Variants in INPP4B observed in about 807,000 individuals in gnomAD.
INPP4B encodes inositol polyphosphate 4-phosphatase type II.
Under a neutral mutation model 122.5 loss-of-function variants are expected in INPP4B, and 55 were observed. The ratio of observed to expected loss-of-function variants is 0.45; its 90% confidence interval spans 0.36 to 0.56. INPP4B has a LOEUF of 0.56. INPP4B is among the 20% of genes least tolerant of loss of function. The pLI is 0.00. For synonymous variants in INPP4B, 403 were observed against 388.7 expected, an observed-to-expected ratio of 1.04 and a Z score of -0.43; for missense variants, 1,000 against 1,097.7, an observed-to-expected ratio of 0.91 and a Z score of 1.26.
At chr4:142,191,152 G>T (rs1459745704) in intron 15 of INPP4B, among the ~76,000 whole-genome samples, 1 of 152,106 alleles carries the variant, frequency 6.6e-6, no homozygotes, top group African/African-American at 2.4e-5. Flanking sequence ...CCTATCAAAA[G>T]ACTCTAAAAG....
chr4:142,178,647 A>G (rs984654274), intron 15 of INPP4B, among the ~76,000 whole-genome samples: 1 of 152,054 alleles, frequency 6.6e-6, no homozygotes, highest in Non-Finnish European at 1.5e-5. Context: ...TTAACAGGCA[A>G]GGAGAAAAAC....
intron 2 of INPP4B, among the ~76,000 whole-genome samples, chr4:142,531,458 A>T (rs180993671): frequency 2.9e-4 from 44 of 152,288 alleles, no homozygotes; most frequent in Non-Finnish European, 3.1e-4. Flanking sequence ...TAATCAAAAC[A>T]TGCTTATCTA....
intron 18 of INPP4B, among the ~76,000 whole-genome samples, chr4:142,128,827 T>C (rs3775652): frequency 0.14 from 21,450 of 152,116 alleles, 1,704 homozygotes; most frequent in East Asian, 0.24. Flanking sequence ...AGGATGTTCA[T>C]GTCCTCTGAG....
At chr4:142,629,161 A>G (rs1223475087) in intron 2 of INPP4B, among the ~76,000 whole-genome samples, 3 of 152,046 alleles carry the variant, frequency 2.0e-5, no homozygotes, top group Non-Finnish European at 4.4e-5. Flanking sequence ...TCTGCTGGAA[A>G]AGTGAGGAGA....
In INPP4B at chr4:142,246,340, AT is replaced by A. The variant is rs748289950; in HGVS notation, c.689-8330del. On this transcript the variant is annotated intron_variant, in intron 11 of 25. Transcript: ENST00000262992. The stretch of plus-strand genomic sequence containing the variant: ...TTTTCTATTTCTGTGAAGAAAGTCA[AT>A]GGTAACTTGATGGGGATAGCATTGA... Among the ~76,000 whole-genome samples the A allele has an allele frequency of 2.0e-5, 3 of 152,122 alleles. No homozygotes were observed. In the East Asian group the frequency reaches 5.8e-4, roughly 30 times the overall value.
intron 23 of INPP4B, among the ~76,000 whole-genome samples, chr4:142,093,238 G>A (rs528145924): frequency 2.6e-5 from 4 of 152,252 alleles, no homozygotes; most frequent in African/African-American, 7.2e-5. Context: ...CAGAATGTGA[G>A]TACAGAAACC....
chr4:142,721,398 G>A (rs1050331962), intron 2 of INPP4B, among the ~76,000 whole-genome samples: 1 of 152,146 alleles, frequency 6.6e-6, no homozygotes, highest in Non-Finnish European at 1.5e-5. Context: ...AGATTTTTCT[G>A]CAATGATGTA....
chr4:142,087,726 TG>T (rs1300197659), intron 23 of INPP4B, among the ~76,000 whole-genome samples: 10 of 152,214 alleles, frequency 6.6e-5, no homozygotes, highest in African/African-American at 1.9e-4. Flanking sequence ...TTTTCAAATT[TG>T]TACCAGATGT....
intron 11 of INPP4B, among the ~76,000 whole-genome samples, chr4:142,240,051 A>C (rs1477476225): frequency 1.3e-5 from 2 of 150,656 alleles, no homozygotes; most frequent in Non-Finnish European, 3.0e-5. Flanking sequence ...GAATCCTTCT[A>C]ATTTTTAGTT....
intron 1 of INPP4B, among the ~76,000 whole-genome samples, chr4:142,827,265 C>T (rs1781563102): frequency 6.6e-6 from 1 of 152,184 alleles, no homozygotes; most frequent in African/African-American, 2.4e-5. Context: ...ACTCCTATCC[C>T]TCTGTGCACT....
intron 1 of INPP4B, among the ~76,000 whole-genome samples, chr4:142,788,094 A>G (rs2151053112): frequency 6.6e-6 from 1 of 152,160 alleles, no homozygotes; most frequent in African/African-American, 2.4e-5. Flanking sequence ...ACAGTGTCTC[A>G]AAAACGCTGA....
At chr4:142,268,113 G>A (rs955329995) in intron 10 of INPP4B, among the ~76,000 whole-genome samples, 8 of 151,398 alleles carry the variant, frequency 5.3e-5, no homozygotes, top group Non-Finnish European at 1.2e-4. Context: ...CACGAAATCA[G>A]GAGACTGAGA....
intron 2 of INPP4B, among the ~76,000 whole-genome samples, chr4:142,577,370 T>C (rs1404201840): frequency 6.6e-6 from 1 of 152,006 alleles, no homozygotes; most frequent in Non-Finnish European, 1.5e-5. Flanking sequence ...GATACCATTG[T>C]ATGTATTTTC....
At chr4:142,308,779 C>G (rs978639768) in intron 8 of INPP4B, among the ~76,000 whole-genome samples, 3 of 151,896 alleles carry the variant, frequency 2.0e-5, no homozygotes, top group African/African-American at 7.2e-5. Flanking sequence ...TTCTGAATAT[C>G]CTTTGGTGCT....
At chr4:142,700,310 T>C (rs1322822518) in intron 2 of INPP4B, among the ~76,000 whole-genome samples, 2 of 152,300 alleles carry the variant, frequency 1.3e-5, no homozygotes, top group East Asian at 1.9e-4. Context: ...AGGCACCAAA[T>C]TTAACTTAAA....
intron 3 of INPP4B, among the ~76,000 whole-genome samples, chr4:142,447,293 G>C (rs1813121647): frequency 1.3e-5 from 2 of 152,224 alleles, no homozygotes; most frequent in South Asian, 4.1e-4. Context: ...AAGAAGGACA[G>C]TATAGTGGAC....
At chr4:142,395,522 T>C (rs989978704) in intron 7 of INPP4B, among the ~76,000 whole-genome samples, 3 of 152,110 alleles carry the variant, frequency 2.0e-5, no homozygotes, top group Non-Finnish European at 2.9e-5. Flanking sequence ...AAATTAAAAA[T>C]AGAACTACCA....
intron 1 of INPP4B, among the ~76,000 whole-genome samples, chr4:142,761,524 T>C (rs1373985674): frequency 2.0e-5 from 3 of 152,182 alleles, no homozygotes; most frequent in Admixed American, 6.6e-5. Flanking sequence ...TCATATTTTT[T>C]CTACTAAATT....
intron 7 of INPP4B, among the ~76,000 whole-genome samples, chr4:142,334,123 TTC>T: frequency 6.6e-6 from 1 of 152,326 alleles, no homozygotes; most frequent in South Asian, 2.1e-4. Context: ...GTATTTGTCT[TTC>T]TCTGTCTGAC....
Sources: gnomAD v4.1 joint callset for allele counts (sites outside exome capture counted in the v4.1 genomes callset) on GRCh38, gnomAD v4.1.1 for gene constraint, MANE v1.5 for transcripts, NCBI Gene and HGNC (gene_info 2026-07-23, HGNC 2026-07-21) for gene names.